The following RARB variants were observed in gnomAD, a reference collection of about 807,000 sequenced individuals.
RARB encodes HBV-activated protein.
In RARB, 17 loss-of-function variants were observed where a neutral mutation model predicts 51.9. The observed-to-expected ratio is 0.33, with a 90% CI of 0.22 to 0.49. The LOEUF is 0.49. RARB is among the 20% of genes least tolerant of loss of function. RARB has a pLI of 0.99. For synonymous variants in RARB, 215 were observed against 195.4 expected (o/e 1.10, Z -0.84); for missense variants, 369 against 550.8 (o/e 0.67, Z 3.30).
At chr3:25,217,369 A>T (rs940776022) in intron 5 of RARB, among the ~76,000 whole-genome samples, 1 of 152,186 alleles carries the variant, frequency 6.6e-6, no homozygotes, top group Non-Finnish European at 1.5e-5. Flanking sequence ...TCAATCTATC[A>T]TAATTGTTAC....
At chr3:25,018,939 T>C (rs888614295) in intron 2 of RARB, among the ~76,000 whole-genome samples, 2 of 152,224 alleles carry the variant, frequency 1.3e-5, no homozygotes, top group Non-Finnish European at 2.9e-5. Context: ...CTTAAGTTTA[T>C]GCTACTAACC....
chr3:25,551,979 A>G (rs528755772), intron 3 of RARB, among the ~76,000 whole-genome samples: 2 of 152,260 alleles, frequency 1.3e-5, no homozygotes, highest in South Asian at 2.1e-4. Flanking sequence ...ACCATGTTTC[A>G]TAGTTCTTGC....
chr3:25,182,058 ACTT>A (rs1700872303), intron 5 of RARB, among the ~76,000 whole-genome samples: 1 of 152,206 alleles, frequency 6.6e-6, no homozygotes, highest in Non-Finnish European at 1.5e-5. Context: ...AAATGTATTA[ACTT>A]CTTTGGAATT....
intron 5 of RARB, among the ~76,000 whole-genome samples, chr3:25,200,690 A>G (rs1701366994): frequency 6.6e-6 from 1 of 151,998 alleles, no homozygotes; most frequent in African/African-American, 2.4e-5. Flanking sequence ...ACCATTTATT[A>G]AATAGGTAAT....
chr3:25,160,839 T>C (rs1453655620), intron 4 of RARB, among the ~76,000 whole-genome samples: 2 of 152,160 alleles, frequency 1.3e-5, no homozygotes, highest in African/African-American at 2.4e-5. Context: ...GGCTTCCCCA[T>C]AGGCCTTGGT....
At chr3:25,540,452 C>T (rs1699328818) in intron 3 of RARB, among the ~76,000 whole-genome samples, 1 of 152,182 alleles carries the variant, frequency 6.6e-6, no homozygotes, top group Non-Finnish European at 1.5e-5. Context: ...TCTGGTTTAT[C>T]AGTGAGCTCC....
At chr3:24,881,829 G>C (rs937571446) in intron 2 of RARB, among the ~76,000 whole-genome samples, 2 of 152,046 alleles carry the variant, frequency 1.3e-5, no homozygotes, top group African/African-American at 4.8e-5. Context: ...TAATCAAATT[G>C]ATCATTTTTT....
At chr3:25,458,665 A>G (rs924543941) in intron 1 of RARB, among the ~76,000 whole-genome samples, 1 of 152,170 alleles carries the variant, frequency 6.6e-6, no homozygotes, top group African/African-American at 2.4e-5. Flanking sequence ...CTCAAGATTG[A>G]TATCTTCATC....
At chr3:25,196,489 G>A (rs904615673) in intron 5 of RARB, among the ~76,000 whole-genome samples, 33 of 152,086 alleles carry the variant, frequency 2.2e-4, no homozygotes, top group Non-Finnish European at 3.2e-4. Context: ...ATTTGGGTTG[G>A]TTCCAAGTCT....
At chr3:25,462,349 C>T (rs1353111733) in intron 2 of RARB, 1 of 152,144 alleles carries the variant, frequency 6.6e-6, no homozygotes, top group Non-Finnish European at 1.5e-5. Context: ...ATACAACTAA[C>T]TCATCCATAA....
intron 1 of RARB, among the ~76,000 whole-genome samples, chr3:24,850,802 C>T (rs2125336235): frequency 6.6e-6 from 1 of 152,220 alleles, no homozygotes; most frequent in East Asian, 1.9e-4. Flanking sequence ...AAGGATGAGG[C>T]CTGAAATTCT....
At chr3:25,070,383 A>G (rs1266110271) in intron 3 of RARB, among the ~76,000 whole-genome samples, 1 of 152,124 alleles carries the variant, frequency 6.6e-6, no homozygotes, top group South Asian at 2.1e-4. Flanking sequence ...ATTTAACCCA[A>G]AACTGTGACT....
At chr3:24,979,680 A>G (rs1215986279) in intron 2 of RARB, among the ~76,000 whole-genome samples, 1 of 151,520 alleles carries the variant, frequency 6.6e-6, no homozygotes, top group African/African-American at 2.4e-5. Flanking sequence ...TGCATGTGAG[A>G]TGGGTATCCT....
At chr3:25,153,438 G>A (rs1700324629) in intron 4 of RARB, among the ~76,000 whole-genome samples, 1 of 152,030 alleles carries the variant, frequency 6.6e-6, no homozygotes, top group Admixed American at 6.6e-5. Context: ...CCGCCATAAA[G>A]TACACTGACT....
chr3:25,108,374 G>C (rs1699545277), intron 3 of RARB, among the ~76,000 whole-genome samples: 1 of 152,186 alleles, frequency 6.6e-6, no homozygotes, highest in African/African-American at 2.4e-5. Context: ...TCACCAGGTA[G>C]TTATCTTTCA....
chr3:25,014,101 G>T (rs1697457198), intron 2 of RARB, among the ~76,000 whole-genome samples: 1 of 152,056 alleles, frequency 6.6e-6, no homozygotes, highest in Admixed American at 6.6e-5. Context: ...AGCAGAAATA[G>T]AACACTTTTT....
intron 5 of RARB, among the ~76,000 whole-genome samples, chr3:25,362,393 C>T (rs541211163): frequency 1.3e-5 from 2 of 152,330 alleles, no homozygotes; most frequent in East Asian, 3.9e-4. Flanking sequence ...GGCTGCAGTA[C>T]TCTCATTCCA....
At chr3:25,444,148 G>A (rs1708826586) in intron 1 of RARB, among the ~76,000 whole-genome samples, 1 of 152,162 alleles carries the variant, frequency 6.6e-6, no homozygotes, top group Admixed American at 6.5e-5. Context: ...AGAGCAGCCT[G>A]AAGAGAAAGG....
chr3:25,126,159 C>T lies in RARB; in HGVS notation c.-327-6002C>T, dbSNP rs144809772. ...TTTGCCTTTTTTTCATTAAAAACATCATAAAACATTTAGGGGTCTGTGCAG... is the reference window on the plus strand; with the variant it reads ...TTTGCCTTTTTTTCATTAAAAACATTATAAAACATTTAGGGGTCTGTGCAG... On this transcript the variant is annotated intron_variant, in intron 3 of 11. Coordinates refer to the RARB transcript ENST00000383772. Among the ~76,000 whole-genome samples, 447 of 152,138 alleles carry T rather than the reference C, an allele frequency of 2.9e-3. 1 individual carries two copies. Among genetic ancestry groups the T allele is most frequent in the Non-Finnish European group, 4.6e-3 (315 of 68,002 alleles).
Sources: allele counts gnomAD v4.1 joint callset (sites outside exome capture counted in the v4.1 genomes callset), GRCh38; gene constraint gnomAD v4.1.1; transcripts MANE v1.5; gene names NCBI Gene and HGNC (gene_info 2026-07-23, HGNC 2026-07-21).